Variants in SLC25A13 observed in about 807,000 individuals in gnomAD.
The protein encoded by SLC25A13 is solute carrier family 25 member 13, also known as electrogenic aspartate/glutamate antiporter SLC25A13, mitochondrial.
Under a neutral mutation model 85.5 loss-of-function variants are expected in SLC25A13, and 70 were observed. That is an observed-to-expected ratio of 0.82 (90% CI 0.68 to 1.00). The LOEUF (loss-of-function observed/expected upper bound fraction) is 1.00. Among genes scored for constraint, SLC25A13 ranks in the 50% least tolerant of loss-of-function variants. SLC25A13 has a pLI of 0.00. For missense variants in SLC25A13, 765 were observed against 819.8 expected (o/e 0.93, Z 0.82); for synonymous variants, 259 against 288.7 (o/e 0.90, Z 1.04).
rs144916198 is a variant in SLC25A13, at chr7:96,245,834, T to C, written c.213-10917A>G. 2.3e-3 allele frequency among the ~76,000 whole-genome samples: 344 copies of C among 152,294 alleles called. 2 individuals carry two copies. The highest frequency in any genetic ancestry group is 6.8e-3 in the Middle Eastern group (2 of 294). ...AAAAGGGAAAAGTAATTGTAAACCA[T>C]GATGGAAAACTGATTAAGGCAAATA... is the stretch of plus-strand genomic sequence containing the variant. On this transcript the variant is annotated intron_variant, in intron 3 of 17. Coordinates refer to ENST00000265631, the MANE Select transcript of SLC25A13 (RefSeq NM_014251.3).
chr7:96,168,129 A>AAAAAAAAAG (rs1562810139), intron 13 of SLC25A13, among the ~76,000 whole-genome samples: 2 of 143,570 alleles, frequency 1.4e-5, no homozygotes, highest in Admixed American at 1.4e-4. Context: ...AAAAAAAAAA[A>AAAAAAAAAG]GCACGTGTGC....
chr7:96,129,047 C>T (rs1006258283), intron 15 of SLC25A13, among the ~76,000 whole-genome samples: 3 of 147,888 alleles, frequency 2.0e-5, no homozygotes, highest in African/African-American at 7.5e-5. Flanking sequence ...ATGGAGAGGC[C>T]CACATGACAA....
chr7:96,216,055 T>C (rs1795888078), intron 4 of SLC25A13, among the ~76,000 whole-genome samples: 1 of 151,488 alleles, frequency 6.6e-6, no homozygotes, highest in African/African-American at 2.4e-5. Context: ...CTCAGGAGGC[T>C]GAGGCAGGAA....
At chr7:96,156,874 T>C (rs1011861129) in intron 13 of SLC25A13, among the ~76,000 whole-genome samples, 2 of 152,168 alleles carry the variant, frequency 1.3e-5, no homozygotes, top group East Asian at 1.9e-4. Flanking sequence ...CTCAAAAATA[T>C]ATAACTAGTG....
At chr7:96,186,898 A>G (rs1036275953) in intron 9 of SLC25A13, among the ~76,000 whole-genome samples, 2 of 152,196 alleles carry the variant, frequency 1.3e-5, no homozygotes, top group Non-Finnish European at 2.9e-5. Flanking sequence ...TAAAATTAAT[A>G]CTAATATTTT....
intron 4 of SLC25A13, among the ~76,000 whole-genome samples, chr7:96,225,919 CTAT>C (rs909641064): frequency 1.3e-5 from 2 of 152,082 alleles, no homozygotes; most frequent in Non-Finnish European, 2.9e-5. Flanking sequence ...CGGGAAATGG[CTAT>C]TATTTTCTGC....
intron 15 of SLC25A13, among the ~76,000 whole-genome samples, chr7:96,130,445 G>GT (rs1791972663): frequency 6.6e-6 from 1 of 152,160 alleles, no homozygotes; most frequent in Non-Finnish European, 1.5e-5. Flanking sequence ...CACACACTCT[G>GT]TAGCAGGTGC....
In SLC25A13 at chr7:96,120,377, G is replaced by A. The variant is rs1269311889; in HGVS notation, c.*814C>T. On this transcript the variant is annotated 3_prime_UTR_variant, in exon 18 of 18. Coordinates refer to ENST00000265631, the MANE Select transcript of SLC25A13 (RefSeq NM_014251.3). Reference sequence around the variant, plus strand: ...AGCAAGTGGGTACCAATGATGGGGAGATGAGGAGAATAGGGCAGGCAGCAA... The same window carrying A: ...AGCAAGTGGGTACCAATGATGGGGAAATGAGGAGAATAGGGCAGGCAGCAA... The A allele has an allele frequency of 2.0e-5, 9 of 454,152 alleles. No individual in the cohort carries two copies. The highest frequency in any genetic ancestry group is 4.0e-5 in the Non-Finnish European group (9 of 226,792). 28.1% of individuals were successfully genotyped at this position (454,152 alleles called of 1,614,324 possible). A position where few individuals can be genotyped will look rare whatever the true frequency, so the allele number is the denominator to read the frequency against.
At chr7:96,181,430 A>G (rs1794416878) in intron 11 of SLC25A13, among the ~76,000 whole-genome samples, 1 of 152,266 alleles carries the variant, frequency 6.6e-6, no homozygotes, top group Non-Finnish European at 1.5e-5. Flanking sequence ...GAGCACTACA[A>G]GAGTTCTTTT....
chr7:96,250,954 C>T (rs1562877701), intron 3 of SLC25A13, among the ~76,000 whole-genome samples: 2 of 152,022 alleles, frequency 1.3e-5, no homozygotes, highest in Non-Finnish European at 2.9e-5. Context: ...ATGTGCCAGC[C>T]ACGTTCTAGG....
chr7:96,268,902 C>G (rs1397513541), intron 3 of SLC25A13, among the ~76,000 whole-genome samples: 1 of 152,188 alleles, frequency 6.6e-6, no homozygotes, highest in Non-Finnish European at 1.5e-5. Context: ...GTCCTCTGTA[C>G]TCCCACCTCC....
chr7:96,173,009 T>C (rs1794071446), intron 11 of SLC25A13, among the ~76,000 whole-genome samples: 1 of 152,232 alleles, frequency 6.6e-6, no homozygotes, highest in Non-Finnish European at 1.5e-5. Flanking sequence ...CCGCCTGCCT[T>C]GGCCTTCCAA....
chr7:96,210,184 G>C (rs1795636950), intron 4 of SLC25A13, among the ~76,000 whole-genome samples: 1 of 152,152 alleles, frequency 6.6e-6, no homozygotes, highest in African/African-American at 2.4e-5. Context: ...TATTTGCACA[G>C]AGAAGGCAGT....
At chr7:96,128,752 TATAATAATAATAATAATA>T (rs367558778) in intron 15 of SLC25A13, among the ~76,000 whole-genome samples, 15 of 139,966 alleles carry the variant, frequency 1.1e-4, no homozygotes, top group East Asian at 6.2e-4. Flanking sequence ...GAACTTAAAG[TATAATAATAATAATAATA>T]ATAATAATAA....
At chr7:96,298,543 C>T (rs914679104) in intron 1 of SLC25A13, among the ~76,000 whole-genome samples, 13 of 152,126 alleles carry the variant, frequency 8.5e-5, no homozygotes, top group African/African-American at 2.9e-4. Flanking sequence ...AAACGATTCT[C>T]CTGCCTCAGC....
chr7:96,152,449 T>G (rs1335450447), intron 13 of SLC25A13, among the ~76,000 whole-genome samples: 1 of 152,158 alleles, frequency 6.6e-6, no homozygotes. Context: ...ATATCTATAC[T>G]GAATAGAGGT....
At chr7:96,172,780 AC>A in intron 11 of SLC25A13, among the ~76,000 whole-genome samples, 1 of 150,692 alleles carries the variant, frequency 6.6e-6, no homozygotes, top group South Asian at 2.1e-4. Context: ...TTTTTTTTTG[AC>A]GGAGTCTCAC....
intron 3 of SLC25A13, among the ~76,000 whole-genome samples, chr7:96,266,155 A>G (rs1246870262): frequency 6.6e-6 from 1 of 152,204 alleles, no homozygotes. Flanking sequence ...CTCAAATATC[A>G]ACATGGTGAA....
At chr7:96,179,797 C>G (rs1450938599) in intron 11 of SLC25A13, among the ~76,000 whole-genome samples, 2 of 152,208 alleles carry the variant, frequency 1.3e-5, no homozygotes, top group East Asian at 1.9e-4. Context: ...TTTCAAGATG[C>G]ATGTGTTCTT....
Sources: allele counts gnomAD v4.1 joint callset (sites outside exome capture counted in the v4.1 genomes callset), GRCh38; gene constraint gnomAD v4.1.1; transcripts MANE v1.5; gene names NCBI Gene and HGNC (gene_info 2026-07-23, HGNC 2026-07-21).